The following NELL1 variants were observed in gnomAD, a reference collection of about 807,000 sequenced individuals.
NELL1 encodes the protein protein kinase C-binding protein NELL1.
Under a neutral mutation model 107.4 loss-of-function variants are expected in NELL1, and 76 were observed. The ratio of observed to expected loss-of-function variants is 0.71; its 90% CI spans 0.59 to 0.86. The LOEUF (loss-of-function observed/expected upper bound fraction) is 0.86. Among genes scored for constraint, NELL1 ranks in the 40% least tolerant of loss-of-function variants. NELL1 has a pLI of 0.00. For synonymous variants in NELL1, 353 were observed against 341.2 expected (o/e 1.03, Z -0.38); for missense variants, 1,024 against 1,005.5 (o/e 1.02, Z -0.25).
intron 2 of NELL1, among the ~76,000 whole-genome samples, chr11:20,680,742 T>G (rs1854170725): frequency 6.6e-6 from 1 of 152,152 alleles, no homozygotes; most frequent in Non-Finnish European, 1.5e-5. Flanking sequence ...ATCGTTCATT[T>G]TTCATGAAGG....
chr11:20,786,350 C>CAAA (rs112874692), intron 3 of NELL1, among the ~76,000 whole-genome samples: 37,925 of 124,752 alleles, frequency 0.3, 5,712 homozygotes, highest in African/African-American at 0.42. Flanking sequence ...AACCCCATCT[C>CAAA]AAAAAAAAAA....
At chr11:21,498,225 T>A (rs1191985177) in intron 15 of NELL1, among the ~76,000 whole-genome samples, 1 of 151,210 alleles carries the variant, frequency 6.6e-6, no homozygotes, top group East Asian at 1.9e-4. Flanking sequence ...TTGACTCTAT[T>A]CCTTCTACAT....
chr11:21,351,774 C>G (rs1475575220), intron 14 of NELL1, among the ~76,000 whole-genome samples: 1 of 152,150 alleles, frequency 6.6e-6, no homozygotes, highest in Non-Finnish European at 1.5e-5. Context: ...TTTGCATTCA[C>G]CATTGCTTAT....
chr11:21,170,618 A>G (rs991299263), intron 13 of NELL1, among the ~76,000 whole-genome samples: 1 of 151,108 alleles, frequency 6.6e-6, no homozygotes, highest in Non-Finnish European at 1.5e-5. Context: ...GTAGCTGTCT[A>G]TCCATCCATG....
chr11:21,567,074 T>C (rs1370047559), intron 17 of NELL1, among the ~76,000 whole-genome samples: 1 of 151,820 alleles, frequency 6.6e-6, no homozygotes, highest in Non-Finnish European at 1.5e-5. Flanking sequence ...CAGCGACCTT[T>C]TCTGAAAGAA....
intron 5 of NELL1, among the ~76,000 whole-genome samples, chr11:20,900,166 T>C (rs1849841340): frequency 6.6e-6 from 1 of 152,178 alleles, no homozygotes; most frequent in East Asian, 1.9e-4. Context: ...TGGCCTTAGC[T>C]GGTATGGCTC....
intron 2 of NELL1, among the ~76,000 whole-genome samples, chr11:20,772,243 G>A (rs1184478825): frequency 6.6e-6 from 1 of 152,154 alleles, no homozygotes; most frequent in East Asian, 1.9e-4. Context: ...TCTGGGAGGA[G>A]GAGTGTTGCT....
intron 2 of NELL1, among the ~76,000 whole-genome samples, chr11:20,679,716 A>G: frequency 6.6e-6 from 1 of 152,146 alleles, no homozygotes; most frequent in East Asian, 1.9e-4. Flanking sequence ...CTTTATAAAC[A>G]AAGTTGCTAT....
chr11:21,031,602 A>T, intron 12 of NELL1, among the ~76,000 whole-genome samples: 1 of 152,226 alleles, frequency 6.6e-6, no homozygotes, highest in East Asian at 1.9e-4. Context: ...AGGCAGTGAA[A>T]ATAATAGCAC....
chr11:21,518,978 G>C (rs1428414697), intron 15 of NELL1, among the ~76,000 whole-genome samples: 1 of 152,134 alleles, frequency 6.6e-6, no homozygotes, highest in Non-Finnish European at 1.5e-5. Context: ...TGTAGCTCCA[G>C]GGTTGGTTCA....
In NELL1 at chr11:20,834,563, T is replaced by C. The variant is rs529094978; in HGVS notation, c.336-13020T>C. Among the ~76,000 whole-genome samples the C allele has an allele frequency of 2.4e-3, 364 of 151,818 alleles. 1 individual carries two copies. The highest frequency in any genetic ancestry group is 8.5e-3 in the African/African-American group (354 of 41,420). The stretch of plus-strand genomic sequence containing the variant: ...TAAACATACAAAAAAATTAGCTGGG[T>C]GTGGTGGCGGGCACCTGTAGTCCCA... On this transcript the variant is annotated intron_variant, in intron 3 of 19. Transcript: ENST00000357134.
intron 12 of NELL1, among the ~76,000 whole-genome samples, chr11:20,997,763 C>T (rs141852585): frequency 1.2e-4 from 19 of 152,238 alleles, no homozygotes; most frequent in African/African-American, 4.3e-4. Flanking sequence ...TGCTTGAGCC[C>T]AGGAGTTCAG....
intron 3 of NELL1, among the ~76,000 whole-genome samples, chr11:20,790,301 G>A (rs1857048530): frequency 1.3e-5 from 2 of 152,174 alleles, no homozygotes; most frequent in South Asian, 4.1e-4. Flanking sequence ...GCTCATTGGT[G>A]CCCAAAATCC....
At chr11:20,948,075 C>A (rs1851000006) in intron 11 of NELL1, among the ~76,000 whole-genome samples, 1 of 151,974 alleles carries the variant, frequency 6.6e-6, no homozygotes, top group Non-Finnish European at 1.5e-5. Context: ...TAGAGTCTCG[C>A]TCTGTCACTC....
At chr11:21,498,497 T>A (rs1200533268) in intron 15 of NELL1, among the ~76,000 whole-genome samples, 1 of 151,576 alleles carries the variant, frequency 6.6e-6, no homozygotes, top group Non-Finnish European at 1.5e-5. Context: ...TCTGATAATT[T>A]TTTTAAGTAC....
At chr11:21,465,882 C>T (rs1417727385) in intron 15 of NELL1, among the ~76,000 whole-genome samples, 3 of 151,998 alleles carry the variant, frequency 2.0e-5, no homozygotes, top group Middle Eastern at 3.2e-3. Flanking sequence ...AAATCTAAGC[C>T]ATAGCACCAG....
At chr11:20,702,057 G>A (rs1381508427) in intron 2 of NELL1, among the ~76,000 whole-genome samples, 1 of 152,130 alleles carries the variant, frequency 6.6e-6, no homozygotes, top group Admixed American at 6.5e-5. Flanking sequence ...AAAGTCATTG[G>A]TAGCTTGATG....
At chr11:20,695,408 A>G (rs1286346853) in intron 2 of NELL1, among the ~76,000 whole-genome samples, 1 of 152,096 alleles carries the variant, frequency 6.6e-6, no homozygotes, top group Non-Finnish European at 1.5e-5. Flanking sequence ...TTGCCTGTCC[A>G]ATACGATGGT....
intron 12 of NELL1, among the ~76,000 whole-genome samples, chr11:21,099,544 A>G (rs1324048112): frequency 6.6e-6 from 1 of 152,140 alleles, no homozygotes; most frequent in African/African-American, 2.4e-5. Context: ...AAAGCCCAGT[A>G]ACCTGTCAAG....
Sources: allele counts gnomAD v4.1 joint callset (sites outside exome capture counted in the v4.1 genomes callset), GRCh38; gene constraint gnomAD v4.1.1; transcripts MANE v1.5; gene names NCBI Gene and HGNC (gene_info 2026-07-23, HGNC 2026-07-21).